LRRN1: variants seen among roughly 807,000 people sequenced by gnomAD.
LRRN1 encodes the protein leucine-rich repeat neuronal protein 1.
In LRRN1, 14 loss-of-function variants were observed where a neutral mutation model predicts 45.8. The ratio of observed to expected loss-of-function variants is 0.31; its 90% confidence interval spans 0.20 to 0.48. The LOEUF (loss-of-function observed/expected upper bound fraction) is 0.48. LRRN1 is among the 20% of genes least tolerant of loss of function. The pLI is 0.99. For synonymous variants in LRRN1, 359 were observed against 330.1 expected (o/e 1.09, Z -0.95); for missense variants, 789 against 874.2 (o/e 0.90, Z 1.23).
At chr3:3,842,701 C>T (rs759876686) in intron 1 of LRRN1, among the ~76,000 whole-genome samples, 1 of 152,176 alleles carries the variant, frequency 6.6e-6, no homozygotes, top group Non-Finnish European at 1.5e-5. Flanking sequence ...ACACTAGTCA[C>T]TGAAGTTCCT....
rs1026201207 is a variant in LRRN1 at position 3,820,608 on chromosome 3, G to A, written c.-279+20689G>A. On this transcript the variant is annotated intron_variant, in intron 1 of 1. Coordinates refer to ENST00000319331, the MANE Select transcript of LRRN1 (RefSeq NM_020873.7). ...AGGGTTTAGGTAAAAGAATTCTTAT[G>A]TATTTCCTTCTGGATTCAAATTACA... 7.2e-5 allele frequency among the ~76,000 whole-genome samples: 11 copies of A among 152,312 alleles called. 1 individual carries two copies. The highest frequency in any genetic ancestry group is 3.9e-4 in the East Asian group (2 of 5,190).
chr3:3,830,478 T>C (rs1458774522), intron 1 of LRRN1, among the ~76,000 whole-genome samples: 2 of 152,192 alleles, frequency 1.3e-5, no homozygotes, highest in South Asian at 2.1e-4. Context: ...TTTAGGGATG[T>C]CCTAAAAAGG....
chr3:3,836,629 T>C (rs565727762), intron 1 of LRRN1, among the ~76,000 whole-genome samples: 3 of 152,248 alleles, frequency 2.0e-5, no homozygotes, highest in South Asian at 2.1e-4. Context: ...GGCCTGTGCT[T>C]CCAATACCCT....
chr3:3,813,499 A>G (rs1692924454), intron 1 of LRRN1, among the ~76,000 whole-genome samples: 1 of 152,110 alleles, frequency 6.6e-6, no homozygotes, highest in Non-Finnish European at 1.5e-5. Flanking sequence ...GTTATCCTTT[A>G]TTACATGCTT....
Position 3,846,198 on chromosome 3 carries a change from C to A in LRRN1, c.1557C>A (p.Thr519=). The A allele has an allele frequency of 6.2e-7, 1 of 1,614,048 alleles. No homozygotes were observed. Residue 519 remains threonine, a synonymous_variant, in exon 2 of 2, where the codon ACC becomes ACA. Transcript: ENST00000319331. The surrounding 1 kb of genome is among the most constrained non-coding windows in gnomAD (Gnocchi z 5.7). Reference sequence around the variant, plus strand: ...TGGCAACAATTAAGGTTAATGGGACCCTTCTGGATGGTACCCAGGTGCTAA... The same window carrying A: ...TGGCAACAATTAAGGTTAATGGGACACTTCTGGATGGTACCCAGGTGCTAA... ...TRVATIKVNG[T]LLDGTQVLKI...
chr3:3,844,340 C>T (rs939522533), intron 1 of LRRN1, 24 bp from the exon 2 acceptor site: 1 of 294,778 alleles, frequency 3.4e-6, no homozygotes, highest in African/African-American at 2.2e-5. Flanking sequence ...ATAAGCATAA[C>T]ATCTGTCCTA....
intron 1 of LRRN1, among the ~76,000 whole-genome samples, chr3:3,803,946 A>G (rs867079566): frequency 5.3e-5 from 8 of 152,342 alleles, no homozygotes; most frequent in South Asian, 2.1e-4. Flanking sequence ...GTTTATTGAC[A>G]TTGCATTATA....
At chr3:3,801,825 A>G (rs1269715807) in intron 1 of LRRN1, among the ~76,000 whole-genome samples, 1 of 152,186 alleles carries the variant, frequency 6.6e-6, no homozygotes, top group Non-Finnish European at 1.5e-5. Context: ...GCTAGTTAGG[A>G]AAAGGTTTGT....
intron 1 of LRRN1, among the ~76,000 whole-genome samples, chr3:3,806,423 G>A (rs1169714915): frequency 2.0e-5 from 3 of 152,208 alleles, no homozygotes; most frequent in Non-Finnish European, 4.4e-5. Context: ...CAAGTGCTCA[G>A]CAGGAGACGA....
chr3:3,826,968 A>G (rs1309734597), intron 1 of LRRN1, among the ~76,000 whole-genome samples: 4 of 152,154 alleles, frequency 2.6e-5, no homozygotes, highest in African/African-American at 4.8e-5. Flanking sequence ...GTACTGGATC[A>G]TACCACAAAA....
At chr3:3,834,134 G>GTCCATCATTT (rs1483210840) in intron 1 of LRRN1, among the ~76,000 whole-genome samples, 1 of 152,060 alleles carries the variant, frequency 6.6e-6, no homozygotes, top group Non-Finnish European at 1.5e-5. Flanking sequence ...GAATCCCTGA[G>GTCCATCATTT]TCCATCATTT....
At chr3:3,808,129 C>T (rs1328514137) in intron 1 of LRRN1, among the ~76,000 whole-genome samples, 3 of 152,126 alleles carry the variant, frequency 2.0e-5, no homozygotes, top group East Asian at 3.8e-4. Context: ...AGCACTGGAG[C>T]GGAGATTAGT....
intron 1 of LRRN1, among the ~76,000 whole-genome samples, chr3:3,804,587 A>G (rs1243925454): frequency 6.6e-6 from 1 of 152,184 alleles, no homozygotes; most frequent in East Asian, 1.9e-4. Context: ...CCTTCCATTT[A>G]TACTCTTTAT....
At position 3,847,819 on chromosome 3, in the gene LRRN1, T is replaced by C. The variant is rs1185425073; in HGVS notation, c.*1027T>C. 3 of 166,006 alleles carry C rather than the reference T, an allele frequency of 1.8e-5. No individual in the cohort carries two copies. The highest frequency in any genetic ancestry group is 3.1e-3 in the Middle Eastern group (1 of 318). 10.3% of individuals were successfully genotyped at this position (166,006 alleles called of 1,614,324 possible). On this transcript the variant is annotated 3_prime_UTR_variant, in exon 2 of 2. Transcript: ENST00000319331. ...ATTTTAATGAACAGGATTTCTGTAT[T>C]TTAAATAGTACTGACTAGCACCTAA...
At chr3:3,840,152 C>T (rs961121357) in intron 1 of LRRN1, among the ~76,000 whole-genome samples, 1 of 152,056 alleles carries the variant, frequency 6.6e-6, no homozygotes, top group African/African-American at 2.4e-5. Context: ...TACTTTCCTT[C>T]CATTCTTCAT....
intron 1 of LRRN1, among the ~76,000 whole-genome samples, chr3:3,819,533 A>G (rs1693058405): frequency 6.6e-6 from 1 of 152,106 alleles, no homozygotes; most frequent in African/African-American, 2.4e-5. Context: ...CTTTGTTTAC[A>G]GCTGTGGAAC....
rs759015530 is a variant in LRRN1, at chr3:3,846,817, A to G, written c.*25A>G. ...ACTCAGAGGATATTTTGCTTCTGGTAGTAAGGAGCACAAAGACGTTTTTGC... is the reference window on the plus strand; with the variant it reads ...ACTCAGAGGATATTTTGCTTCTGGTGGTAAGGAGCACAAAGACGTTTTTGC... On this transcript the variant is annotated 3_prime_UTR_variant, in exon 2 of 2. Coordinates refer to ENST00000319331, the MANE Select transcript of LRRN1 (RefSeq NM_020873.7). The surrounding 1 kb of genome is among the most constrained non-coding windows in gnomAD (Gnocchi z 5.7). 1 of 1,543,538 alleles carries G rather than the reference A, an allele frequency of 6.5e-7. No individual in the cohort carries two copies. Among genetic ancestry groups the G allele is most frequent in the Non-Finnish European group, 8.8e-7 (1 of 1,141,688 alleles).
At chr3:3,837,913 G>A (rs1386886881) in intron 1 of LRRN1, among the ~76,000 whole-genome samples, 2 of 151,940 alleles carry the variant, frequency 1.3e-5, no homozygotes, top group Non-Finnish European at 2.9e-5. Context: ...AGCCCTGTGT[G>A]TGTCGTTCCC....
chr3:3,845,355 G>C lies in LRRN1; in HGVS notation c.714G>C (p.Leu238=). 6.2e-7 allele frequency: 1 copy of C among 1,614,068 alleles called. No homozygotes were observed. Among genetic ancestry groups the C allele is most frequent in the Non-Finnish European group, 8.5e-7 (1 of 1,180,006 alleles). Residue 238 remains leucine, a synonymous_variant, in exon 2 of 2, where the codon CTG becomes CTC. Coordinates refer to ENST00000319331, the MANE Select transcript of LRRN1 (RefSeq NM_020873.7). This position sits in a 1 kb window ranked among gnomAD's most constrained non-coding sequence, Gnocchi z 6.5. ...TDIPGNALVG[L]DSLESLSFYD... is the part of the protein sequence containing the mutation. ...TTCCTGGAAATGCTTTGGTGGGTCT[G>C]GATAGCCTTGAGAGCCTGTCTTTTT... is the stretch of plus-strand genomic sequence containing the variant.
Sources: allele counts gnomAD v4.1 joint callset (sites outside exome capture counted in the v4.1 genomes callset), GRCh38; gene constraint gnomAD v4.1.1; non-coding constraint Gnocchi (gnomAD v3.1); transcripts MANE v1.5; gene names NCBI Gene and HGNC (gene_info 2026-07-23, HGNC 2026-07-21).